The following RICTOR variants were observed in gnomAD, a reference collection of about 807,000 sequenced individuals.
RICTOR encodes the protein rapamycin-insensitive companion of mTOR.
Under a neutral mutation model 214.9 loss-of-function variants are expected in RICTOR, and 49 were observed. The ratio of observed to expected loss-of-function variants is 0.23; its 90% CI spans 0.18 to 0.29. The LOEUF (loss-of-function observed/expected upper bound fraction) is 0.29, where lower values mean the gene tolerates loss of function less well. Among genes scored for constraint, RICTOR ranks in the 10% least tolerant of loss-of-function variants. RICTOR has a pLI of 1.00. For synonymous variants in RICTOR, 717 were observed against 711.3 expected, an observed-to-expected ratio of 1.01 and a Z score of -0.13; for missense variants, 1,625 against 2,047.0, an observed-to-expected ratio of 0.79 and a Z score of 3.98.
rs1747591318 is a variant in RICTOR, at chr5:38,941,708, C to T, written c.*596G>A. 1 of 232,022 alleles carries T rather than the reference C, an allele frequency of 4.3e-6. No individual in the cohort carries two copies. The highest frequency in any genetic ancestry group is 2.2e-5 in the African/African-American group (1 of 45,174). The allele number at this position is 232,022 out of a possible 1,614,324, so 14.4% of individuals were successfully genotyped here. ...AGTAACATAAAAATAACTTATAAGTCCCGGGTTGTTGAGGCTCTTCTTCTG... is the reference window on the plus strand; with the variant it reads ...AGTAACATAAAAATAACTTATAAGTTCCGGGTTGTTGAGGCTCTTCTTCTG... On this transcript the variant is annotated 3_prime_UTR_variant, in exon 38 of 38. Coordinates refer to ENST00000357387, the MANE Select transcript of RICTOR (RefSeq NM_152756.5).
chr5:38,949,368 T>C, intron 31 of RICTOR: 1 of 1,584,246 alleles, frequency 6.3e-7, no homozygotes, highest in East Asian at 2.2e-5. Context: ...GAAAAGGTTG[T>C]TTGTTATTGT....
In RICTOR at chr5:39,068,641, T is replaced by C. The variant is rs546287687; in HGVS notation, c.97+5470A>G. Among the ~76,000 whole-genome samples, 17 of 152,244 alleles carry C rather than the reference T, an allele frequency of 1.1e-4. 1 individual carries two copies. In the South Asian group the frequency reaches 3.3e-3, roughly 30 times the overall value. ...GGAAATAATCCTGGCAGGCATACAG[T>C]AGACCGAGTGAAAAAAGGTGAGAAG... On this transcript the variant is annotated intron_variant, in intron 2 of 37. Coordinates refer to ENST00000357387, the MANE Select transcript of RICTOR (RefSeq NM_152756.5).
intron 2 of RICTOR, among the ~76,000 whole-genome samples, chr5:39,033,278 C>G (rs1263727047): frequency 6.7e-6 from 1 of 149,706 alleles, no homozygotes; most frequent in Non-Finnish European, 1.5e-5. Flanking sequence ...TTTTTGGGAA[C>G]AGACTCTTGC....
At chr5:39,063,835 TA>T (rs879261245) in intron 2 of RICTOR, among the ~76,000 whole-genome samples, 267 of 143,992 alleles carry the variant, frequency 1.9e-3, no homozygotes, top group African/African-American at 1.8e-3. Flanking sequence ...ACAATGGGGT[TA>T]AAAAAAAAAA....
intron 2 of RICTOR, among the ~76,000 whole-genome samples, chr5:39,068,646 C>T (rs1040342003): frequency 4.6e-5 from 7 of 151,576 alleles, no homozygotes; most frequent in Non-Finnish European, 8.8e-5. Context: ...TACAGTAGAC[C>T]GAGTGAAAAA....
intron 10 of RICTOR, among the ~76,000 whole-genome samples, chr5:38,972,371 C>T (rs1452036664): frequency 6.6e-6 from 1 of 152,122 alleles, no homozygotes; most frequent in Non-Finnish European, 1.5e-5. Context: ...ACTGAATGCA[C>T]ATGAGTATAA....
At chr5:38,990,877 G>C in intron 7 of RICTOR, 72 bp downstream of exon 7, 1 of 846,302 alleles carries the variant, frequency 1.2e-6, no homozygotes. Flanking sequence ...ATATATGATA[G>C]ATATATATAT....
intron 5 of RICTOR, among the ~76,000 whole-genome samples, chr5:38,998,744 G>A (rs1427862371): frequency 3.3e-5 from 5 of 152,074 alleles, no homozygotes; most frequent in Admixed American, 2.0e-4. Context: ...GCCAGGTGCG[G>A]TGGCTCACGC....
intron 7 of RICTOR, among the ~76,000 whole-genome samples, chr5:38,990,214 C>T (rs1242615921): frequency 2.6e-5 from 4 of 152,014 alleles, no homozygotes; most frequent in African/African-American, 9.7e-5. Flanking sequence ...AAGCTGGAAC[C>T]TATCATTCTC....
intron 31 of RICTOR, chr5:38,949,418 A>G: frequency 6.3e-7 from 1 of 1,591,370 alleles, no homozygotes; most frequent in South Asian, 1.1e-5. Context: ...GCTTCTTTTT[A>G]AAATCGATCC....
chr5:38,972,071 TG>T, intron 10 of RICTOR, 112 bp from the exon 11 acceptor site: 3 of 574,574 alleles, frequency 5.2e-6, no homozygotes, highest in Non-Finnish European at 9.2e-6. Context: ...TATATGATTA[TG>T]ATACTATTTG....
At chr5:38,990,842 G>GAT (rs202027493) in intron 7 of RICTOR, 107 bp downstream of exon 7, 60,253 of 76,580 alleles carry the variant, frequency 0.79, 26,332 homozygotes, top group Admixed American at 0.85. Context: ...TGAGATATAT[G>GAT]AGATATATGA....
chr5:38,959,371 T>C (rs1287520164), intron 21 of RICTOR, 50 bp from the exon 22 acceptor site: 2 of 1,018,108 alleles, frequency 2.0e-6, no homozygotes, highest in African/African-American at 1.7e-5. Flanking sequence ...ACTATATTGA[T>C]ACATTAATTA....
At chr5:38,951,602 G>C (rs1053604710) in intron 30 of RICTOR, among the ~76,000 whole-genome samples, 1 of 151,882 alleles carries the variant, frequency 6.6e-6, no homozygotes, top group Non-Finnish European at 1.5e-5. Context: ...TGGCATCTCA[G>C]ATTTGGTGAA....
At chr5:38,968,839 G>C (rs1474291952) in intron 11 of RICTOR, among the ~76,000 whole-genome samples, 1 of 151,738 alleles carries the variant, frequency 6.6e-6, no homozygotes, top group East Asian at 1.9e-4. Flanking sequence ...TACTGCCCCT[G>C]GAGACATTCC....
At chr5:39,022,939 A>C (rs1191080757) in intron 2 of RICTOR, among the ~76,000 whole-genome samples, 1 of 152,204 alleles carries the variant, frequency 6.6e-6, no homozygotes, top group Non-Finnish European at 1.5e-5. Context: ...GATGGATGAA[A>C]ACTTTCCAAA....
chr5:38,968,425 A>G (rs964463543), intron 11 of RICTOR, among the ~76,000 whole-genome samples: 3 of 152,002 alleles, frequency 2.0e-5, no homozygotes, highest in African/African-American at 4.8e-5. Flanking sequence ...CATATTTACT[A>G]TACTATACCT....
chr5:39,029,297 C>T (rs1451638659), intron 2 of RICTOR, among the ~76,000 whole-genome samples: 1 of 151,882 alleles, frequency 6.6e-6, no homozygotes, highest in Non-Finnish European at 1.5e-5. Context: ...CACACATATA[C>T]AAAGATACAT....
intron 16 of RICTOR, among the ~76,000 whole-genome samples, chr5:38,964,381 T>C (rs1250197735): frequency 6.6e-6 from 1 of 151,886 alleles, no homozygotes; most frequent in African/African-American, 2.4e-5. Flanking sequence ...CAGTAGTACT[T>C]GTTACTAAAT....
Sources: allele counts gnomAD v4.1 joint callset (sites outside exome capture counted in the v4.1 genomes callset), GRCh38; gene constraint gnomAD v4.1.1; transcripts MANE v1.5; gene names NCBI Gene and HGNC (gene_info 2026-07-23, HGNC 2026-07-21).